The following RNF123 variants were observed in gnomAD, a reference collection of about 807,000 sequenced individuals.
The protein encoded by RNF123 is E3 ubiquitin-protein ligase RNF123.
RNF123 carries 86 observed loss-of-function variants against 168.5 expected under a neutral mutation model. The ratio of observed to expected loss-of-function variants is 0.51; its 90% confidence interval spans 0.43 to 0.61. The LOEUF (loss-of-function observed/expected upper bound fraction) is 0.61. Among genes scored for constraint, RNF123 ranks in the 20% least tolerant of loss-of-function variants. The pLI is 0.00. For missense variants in RNF123, 1,419 were observed against 1,729.7 expected (o/e 0.82, Z 3.19); for synonymous variants, 666 against 689.1 (o/e 0.97, Z 0.52).
At chr3:49,701,356 A>C in intron 15 of RNF123, 135 bp from the exon 16 acceptor site, 1 of 726,890 alleles carries the variant, frequency 1.4e-6, no homozygotes, top group Admixed American at 2.1e-5. Flanking sequence ...GGGGTCAGAC[A>C]CATAGCAGCA....
chr3:49,705,914 C>A, intron 24 of RNF123, 68 bp from the exon 25 acceptor site: 1 of 1,555,866 alleles, frequency 6.4e-7, no homozygotes, highest in Non-Finnish European at 8.8e-7. Context: ...GGGGTCCAGA[C>A]TGGGTCTGAA....
At chr3:49,697,697 T>C (rs932476314) in intron 5 of RNF123, among the ~76,000 whole-genome samples, 188 bp from the exon 6 acceptor site, 2 of 152,176 alleles carry the variant, frequency 1.3e-5, no homozygotes, top group East Asian at 3.9e-4. Context: ...CCCTCTCTCA[T>C]CCTGCCTTGG....
At chr3:49,697,494 C>A in intron 5 of RNF123, 37 bp downstream of exon 5, 2 of 1,486,542 alleles carry the variant, frequency 1.3e-6, no homozygotes, top group Non-Finnish European at 1.8e-6. Flanking sequence ...CAGGTCCAGC[C>A]CCTTCTGACA....
chr3:49,712,383 T>C, intron 26 of RNF123, 96 bp from the exon 27 acceptor site: 1 of 1,182,772 alleles, frequency 8.5e-7, no homozygotes, highest in East Asian at 2.5e-5. Context: ...TGTGCTGTCG[T>C]AGGCCTGGGG....
In RNF123 at chr3:49,699,792, G is replaced by A. The variant is rs188115176; in HGVS notation, c.984+20G>A. 18 of 1,607,590 alleles carry A rather than the reference G, an allele frequency of 1.1e-5. No homozygotes were observed. In the South Asian group the frequency reaches 1.9e-4, roughly 17 times the overall value. On this transcript the variant is annotated intron_variant, in intron 12 of 38. Transcript: ENST00000327697. This position sits in a 1 kb window ranked among gnomAD's most constrained non-coding sequence, Gnocchi z 4.8. ...CTTCTGGTGAGCGGCATTGGGAGGG[G>A]CATGGGAGGGGAGGAGACAGGCCAT... is the stretch of plus-strand genomic sequence containing the variant.
chr3:49,707,759 A>C (rs2054546092), intron 26 of RNF123, among the ~76,000 whole-genome samples: 1 of 150,634 alleles, frequency 6.6e-6, no homozygotes, highest in South Asian at 2.1e-4. Flanking sequence ...CCCATTCGTG[A>C]CTCTCCTGCT....
chr3:49,696,756 C>T (rs1376239923), intron 3 of RNF123, among the ~76,000 whole-genome samples: 1 of 151,432 alleles, frequency 6.6e-6, no homozygotes, highest in Non-Finnish European at 1.5e-5. Context: ...AAGCTATTCT[C>T]CTGCCTCTGT....
rs1325961964 is a variant in RNF123, at chr3:49,712,522, G to A, written c.2540G>A (p.Arg847Gln). ...TACTGGCTGCTGCGCGTCTGCCTGC[G>A]GACCATTGAGCACGGTGATCGCACA... is the stretch of plus-strand genomic sequence containing the variant. ...DIYWLLRVCL[R>Q]TIEHGDRTGS... The change falls in exon 27 of 39, where the codon CGG becomes CAG. Residue 847 changes from arginine (R) to glutamine (Q), a missense_variant. Physicochemically the swap from Arg to Gln is conservative, Grantham distance 43 (BLOSUM62 1). Around this residue, in one of 5 missense-constraint regions of RNF123, gnomAD observed 538 missense variants for 708.8 expected, o/e 0.76. Transcript: ENST00000327697. 6.8e-6 allele frequency: 11 copies of A among 1,614,042 alleles called. No homozygotes were observed. The Admixed American group carries it at 8.3e-5, about 12-fold the overall frequency.
Position 49,705,695 on chromosome 3 carries a change from A to G in RNF123, c.2304+16A>G, listed in dbSNP as rs781106414. 41 of 1,613,736 alleles carry G rather than the reference A, an allele frequency of 2.5e-5. No homozygotes were observed. The highest frequency in any genetic ancestry group is 3.3e-5 in the Non-Finnish European group (39 of 1,179,952). ...GCTGGGCAAGGTCGTGCACTCTTGG[A>G]CCCCGCATTGGGTGGCGGGTGTTGT... On this transcript the variant is annotated intron_variant, in intron 24 of 38. Transcript: ENST00000327697.
chr3:49,712,772 A>C (rs1332452166), intron 27 of RNF123, 116 bp downstream of exon 27: 1 of 1,204,732 alleles, frequency 8.3e-7, no homozygotes, highest in Non-Finnish European at 1.2e-6. Context: ...GGGGGCGGGG[A>C]GGGGAGGAGC....
rs2080197045 is a variant in RNF123, at chr3:49,714,184, TG to T, written c.3010+13del. ...TTGCCCAGCCTCCAGAGTGAGTATC[TG>T]GGTTGGGCGAGTCCTGGGCAAGGCA... is the stretch of plus-strand genomic sequence containing the variant. On this transcript the variant is annotated intron_variant, in intron 31 of 38. Transcript: ENST00000327697. 1 of 1,613,698 alleles carries T rather than the reference TG, an allele frequency of 6.2e-7. No homozygotes were observed. Among genetic ancestry groups the T allele is most frequent in the Non-Finnish European group, 8.5e-7 (1 of 1,179,786 alleles).
chr3:49,718,848 C>G, intron 35 of RNF123: 1 of 1,613,442 alleles, frequency 6.2e-7, no homozygotes, highest in Non-Finnish European at 8.5e-7. Flanking sequence ...GGAAGGCCGG[C>G]AGCGCGGCCA....
chr3:49,694,501 A>AGGAT (rs1253125295), intron 3 of RNF123, among the ~76,000 whole-genome samples: 2 of 152,198 alleles, frequency 1.3e-5, no homozygotes, highest in Non-Finnish European at 2.9e-5. Context: ...CAATGCTGTG[A>AGGAT]GGATGCCCAG....
At position 49,715,938 on chromosome 3, in the gene RNF123, C is replaced by T. The variant is rs1271467708; in HGVS notation, c.3267C>T (p.Ile1089=). ...TGCTGCGTGTCTTGGAGATGACTAT[C>T]ACACTGGTGCCTGAGATATTCCTTG... ...VSLLRVLEMT[I]TLVPEIFLDW... The change falls in exon 33 of 39, where the codon ATC becomes ATT. Residue 1089 remains isoleucine (I), a synonymous_variant. Coordinates refer to ENST00000327697, the MANE Select transcript of RNF123 (RefSeq NM_022064.5). 1 of 1,614,080 alleles carries T rather than the reference C, an allele frequency of 6.2e-7. No individual in the cohort carries two copies.
intron 12 of RNF123, 101 bp from the exon 13 acceptor site, chr3:49,700,126 G>A: frequency 6.5e-7 from 1 of 1,540,692 alleles, no homozygotes; most frequent in Non-Finnish European, 8.8e-7. Context: ...AGTGGCTCAA[G>A]GCTCTGTGCC....
intron 19 of RNF123, 47 bp downstream of exon 19, chr3:49,702,452 C>A (rs898500881): frequency 5.0e-6 from 8 of 1,604,106 alleles, no homozygotes; most frequent in Admixed American, 1.7e-5. Context: ...GGCTGCACTA[C>A]ACATGCCATG....
intron 35 of RNF123, chr3:49,718,871 A>C (rs201762043): frequency 1.3e-4 from 213 of 1,613,322 alleles, no homozygotes; most frequent in East Asian, 2.7e-4. Context: ...TCAGGTACGG[A>C]GATGTGTCCC....
intron 19 of RNF123, 30 bp downstream of exon 19, chr3:49,702,435 G>A: frequency 6.2e-7 from 1 of 1,612,328 alleles, no homozygotes. Flanking sequence ...GCCCACTGTG[G>A]ATCCCCGGCT....
chr3:49,705,573 G>A lies in RNF123; in HGVS notation c.2198G>A (p.Arg733Gln), dbSNP rs564941802. 2.6e-5 allele frequency: 42 copies of A among 1,609,082 alleles called. No homozygotes were observed. In the South Asian group the frequency reaches 4.1e-4, roughly 16 times the overall value. The change falls in exon 24 of 39, where the codon CGG becomes CAG. Residue 733 changes from arginine (R) to glutamine (Q), a missense_variant. Around this residue, in one of 5 missense-constraint regions of RNF123, gnomAD observed 538 missense variants for 708.8 expected, o/e 0.76. Coordinates refer to ENST00000327697, the MANE Select transcript of RNF123 (RefSeq NM_022064.5). ...SHWNEGLLLG[R>Q]PPEEPEQPLT... ...TGGAATGAGGGCTTGCTGCTGGGGC[G>A]GCCCCCCGAGGAGCCTGAGCAGCCC...
Sources: gnomAD v4.1 joint callset for allele counts (sites outside exome capture counted in the v4.1 genomes callset) on GRCh38, gnomAD v4.1.1 for gene constraint, gnomAD v4.1.1 regional missense constraint, Gnocchi (gnomAD v3.1) non-coding constraint, MANE v1.5 for transcripts, NCBI Gene and HGNC (gene_info 2026-07-23, HGNC 2026-07-21) for gene names.